The following DUSP12 variants were observed in gnomAD, a reference collection of about 807,000 sequenced individuals.
DUSP12 encodes the protein dual specificity phosphatase 12.
DUSP12 carries 25 observed loss-of-function variants against 38.9 expected under a neutral mutation model. The observed-to-expected ratio is 0.64, with a 90% CI of 0.47 to 0.90. The LOEUF is 0.90. DUSP12 is among the 40% of genes least tolerant of loss of function. DUSP12 has a pLI of 0.00. For synonymous variants in DUSP12, 153 were observed against 153.9 expected, an observed-to-expected ratio of 0.99 and a Z score of 0.05; for missense variants, 403 against 427.0, an observed-to-expected ratio of 0.94 and a Z score of 0.50.
chr1:161,753,533 G>A (rs1240062675), intron 5 of DUSP12: 2 of 199,960 alleles, frequency 1.0e-5, no homozygotes, highest in Non-Finnish European at 2.0e-5. Flanking sequence ...TCAAATATAA[G>A]ACTAACATTT....
chr1:161,756,437 G>A (rs1359092341), intron 5 of DUSP12, among the ~76,000 whole-genome samples: 3 of 147,290 alleles, frequency 2.0e-5, no homozygotes, highest in South Asian at 4.3e-4. Flanking sequence ...TACTTTAGCC[G>A]TGATCATTTT....
At position 161,749,984 on chromosome 1, in the gene DUSP12, G is replaced by C; in HGVS notation, c.183G>C (p.Ser61=). The part of the protein sequence containing the change: ...AGITAVLTVD[S]EEPSFKAGPG... ...TCACGGCCGTGCTAACAGTGGACTC[G>C]GAGGAGCCCAGCTTCAAGGCGGGGC... is the stretch of plus-strand genomic sequence containing the variant. The change falls in exon 1 of 6, where the codon TCG becomes TCC. Residue 61 remains serine, a synonymous_variant. Coordinates refer to ENST00000367943, the MANE Select transcript of DUSP12 (RefSeq NM_007240.3). 2 of 1,614,078 alleles carry C rather than the reference G, an allele frequency of 1.2e-6. No homozygotes were observed. The highest frequency in any genetic ancestry group is 1.7e-6 in the Non-Finnish European group (2 of 1,179,964).
intron 1 of DUSP12, 129 bp from the exon 2 acceptor site, chr1:161,751,539 C>G: frequency 9.1e-7 from 1 of 1,098,034 alleles, no homozygotes; most frequent in Non-Finnish European, 1.3e-6. Context: ...ATTTCAGAGG[C>G]AATGGGCTTA....
chr1:161,755,099 GGATTACAGGCGTGAGCCA>G (rs1684089804), intron 5 of DUSP12, among the ~76,000 whole-genome samples: 1 of 152,106 alleles, frequency 6.6e-6, no homozygotes, highest in South Asian at 2.1e-4. Context: ...CAAAGTGCTG[GGATTACAGGCGTGAGCCA>G]CCATGCCCAG....
chr1:161,750,059 C>T lies in DUSP12; in HGVS notation c.258C>T (p.Pro86=). The T allele has an allele frequency of 6.2e-7, 1 of 1,614,006 alleles. No homozygotes were observed. Among genetic ancestry groups the T allele is most frequent in the Non-Finnish European group, 8.5e-7 (1 of 1,179,980 alleles). ...TCTTCGTGCCAGCGCTGGACAAACC[C>T]GAGACGGACCTACTCAGCCATCTGG... The part of the protein sequence containing the change: ...WRLFVPALDK[P]ETDLLSHLDR... Residue 86 remains proline (P), a synonymous_variant, in exon 1 of 6, where the codon CCC becomes CCT. Coordinates refer to ENST00000367943, the MANE Select transcript of DUSP12 (RefSeq NM_007240.3).
intron 1 of DUSP12, 119 bp downstream of exon 1, chr1:161,750,264 C>T (rs950293935): frequency 6.7e-6 from 7 of 1,050,678 alleles, no homozygotes; most frequent in Non-Finnish European, 8.2e-6. Flanking sequence ...TGAACCTCCT[C>T]CCGCTGCCTC....
intron 5 of DUSP12, among the ~76,000 whole-genome samples, chr1:161,754,503 T>G (rs896666228): frequency 6.6e-6 from 1 of 152,176 alleles, no homozygotes; most frequent in Non-Finnish European, 1.5e-5. Context: ...CTGGGTAATT[T>G]ATAAAGGAAG....
chr1:161,750,144 T>G lies in DUSP12; in HGVS notation c.343T>G (p.Cys115Gly). Reference sequence around the variant, plus strand: ...TGAGGGCCGTGCGGTGTTGGTGCACTGGTGAGTGGCCGGGTCAGTGGGTGA... The same window carrying G: ...TGAGGGCCGTGCGGTGTTGGTGCACGGGTGAGTGGCCGGGTCAGTGGGTGA... ...RAEGRAVLVH[C>G]HAGVSRSVAI... Residue 115 changes from cysteine (C) to glycine (G), a missense_variant and splice_region_variant, in exon 1 of 6, where the codon TGT (cysteine) becomes GGT (glycine). Transcript: ENST00000367943. 6.2e-7 allele frequency: 1 copy of G among 1,609,968 alleles called. No individual in the cohort carries two copies. The highest frequency in any genetic ancestry group is 8.5e-7 in the Non-Finnish European group (1 of 1,178,702).
intron 1 of DUSP12, 199 bp from the exon 2 acceptor site, chr1:161,751,469 A>T: frequency 1.7e-6 from 1 of 597,210 alleles, no homozygotes; most frequent in Non-Finnish European, 2.7e-6. Flanking sequence ...AATAGGTAAT[A>T]GATTCACGTG....
At position 161,750,026 on chromosome 1, in the gene DUSP12, A is replaced by G. The variant is rs1323041651; in HGVS notation, c.225A>G (p.Leu75=). 1.2e-6 allele frequency: 2 copies of G among 1,613,986 alleles called. No homozygotes were observed. The highest frequency in any genetic ancestry group is 8.5e-7 in the Non-Finnish European group (1 of 1,179,976). Residue 75 remains leucine, a synonymous_variant, in exon 1 of 6, where the codon CTA becomes CTG. Transcript: ENST00000367943. ...SFKAGPGVED[L]WRLFVPALDK... ...AGGCGGGGCCTGGGGTCGAGGATCT[A>G]TGGCGCCTCTTCGTGCCAGCGCTGG...
In DUSP12 at chr1:161,757,060, A is replaced by G. The variant is rs967037544; in HGVS notation, c.*113A>G. On this transcript the variant is annotated 3_prime_UTR_variant, in exon 6 of 6. Transcript: ENST00000367943. The stretch of plus-strand genomic sequence containing the variant: ...TCAACATTTCATTTGAAATGGGAGA[A>G]GATAAAATCACTTGATGTAACCTGG... 6.4e-5 allele frequency: 67 copies of G among 1,046,042 alleles called. No homozygotes were observed. The African/African-American group carries it at 9.6e-4, about 15-fold the overall frequency. The allele number at this position is 1,046,042 out of a possible 1,614,324, so 64.8% of individuals were successfully genotyped here.
At position 161,753,271 on chromosome 1, in the gene DUSP12, C is replaced by T. The variant is rs1256402639; in HGVS notation, c.861+10C>T. On this transcript the variant is annotated intron_variant, in intron 5 of 5. Transcript: ENST00000367943. The stretch of plus-strand genomic sequence containing the variant: ...AGTGATGGATGGACAGGTGAGAACA[C>T]ATTTTATTTTCTACAATTTTATTTT... 10 of 1,532,696 alleles carry T rather than the reference C, an allele frequency of 6.5e-6. No homozygotes were observed. Among genetic ancestry groups the T allele is most frequent in the Non-Finnish European group, 8.8e-6 (10 of 1,137,346 alleles). The allele number at this position is 1,532,696 out of a possible 1,614,324, so 94.9% of individuals were successfully genotyped here.
In DUSP12 at chr1:161,751,883, A is replaced by G; in HGVS notation, c.476A>G (p.Glu159Gly). The change falls in exon 3 of 6, where the codon GAG (glutamate) becomes GGG (glycine). Residue 159 changes from glutamate (E) to glycine (G), a missense_variant. Transcript: ENST00000367943. ...CATTACAGGATGAATGAGGGGTTTG[A>G]GTGGCAACTGAAATTATACCAGGCA... Reference protein sequence around the residue: ...KPEAKMNEGFEWQLKLYQAMG... With the variant: ...KPEAKMNEGFGWQLKLYQAMG... 1 of 1,612,858 alleles carries G rather than the reference A, an allele frequency of 6.2e-7. No individual in the cohort carries two copies. Among genetic ancestry groups the G allele is most frequent in the Non-Finnish European group, 8.5e-7 (1 of 1,179,484 alleles).
intron 1 of DUSP12, 84 bp downstream of exon 1, chr1:161,750,229 A>T (rs978868826): frequency 7.6e-6 from 11 of 1,456,708 alleles, no homozygotes; most frequent in Admixed American, 4.6e-5. Context: ...GGCCGTCGGG[A>T]GGACAAGAGC....
Position 161,756,768 on chromosome 1 carries a change from A to C in DUSP12, c.862-18A>C, listed in dbSNP as rs1042784235. 1 of 1,610,030 alleles carries C rather than the reference A, an allele frequency of 6.2e-7. No homozygotes were observed. The highest frequency in any genetic ancestry group is 2.2e-5 in the East Asian group (1 of 44,820). On this transcript the variant is annotated intron_variant, in intron 5 of 5. Coordinates refer to ENST00000367943, the MANE Select transcript of DUSP12 (RefSeq NM_007240.3). The stretch of plus-strand genomic sequence containing the variant: ...TATAAAAGTGAATGAATAAAGTAAC[A>C]CATTTGCTTTATTTCAGCTTCTTTG...
chr1:161,754,570 T>C (rs772899142), intron 5 of DUSP12, among the ~76,000 whole-genome samples: 15 of 152,160 alleles, frequency 9.9e-5, no homozygotes, highest in Non-Finnish European at 1.6e-4. Flanking sequence ...AAACTTATTA[T>C]CATGGCAGAA....
At chr1:161,754,834 C>T (rs1052658323) in intron 5 of DUSP12, among the ~76,000 whole-genome samples, 1 of 152,062 alleles carries the variant, frequency 6.6e-6, no homozygotes, top group Non-Finnish European at 1.5e-5. Flanking sequence ...CCACTCTTCC[C>T]ATTCTTTTTT....
intron 3 of DUSP12, 44 bp from the exon 4 acceptor site, chr1:161,752,322 CAG>C (rs1162636796): frequency 7.5e-7 from 1 of 1,336,226 alleles, no homozygotes. Flanking sequence ...TCTGAAAATG[CAG>C]AGTTGATTTT....
chr1:161,753,292 A>G (rs1684056521), intron 5 of DUSP12, 31 bp downstream of exon 5: 1 of 1,490,080 alleles, frequency 6.7e-7, no homozygotes, highest in African/African-American at 1.4e-5. Context: ...CTACAATTTT[A>G]TTTTATGATC....
Sources: allele counts gnomAD v4.1 joint callset (sites outside exome capture counted in the v4.1 genomes callset), GRCh38; gene constraint gnomAD v4.1.1; transcripts MANE v1.5; gene names NCBI Gene and HGNC (gene_info 2026-07-23, HGNC 2026-07-21).